The following SANBR variants were observed in gnomAD, a reference collection of about 807,000 sequenced individuals.
The protein encoded by SANBR is SANT and BTB domain regulator of CSR.
Under a neutral mutation model 101.8 loss-of-function variants are expected in SANBR, and 77 were observed. The ratio of observed to expected loss-of-function variants is 0.76; its 90% CI spans 0.63 to 0.91. The LOEUF is 0.91. SANBR is among the 40% of genes least tolerant of loss of function. SANBR has a pLI of 0.00. For missense variants in SANBR, 875 were observed against 853.0 expected (o/e 1.03, Z -0.32); for synonymous variants, 279 against 274.7 (o/e 1.02, Z -0.15).
intron 21 of SANBR, among the ~76,000 whole-genome samples, 152 bp from the exon 22 acceptor site, chr2:61,121,974 A>G (rs1418798505): frequency 1.3e-5 from 2 of 152,236 alleles, no homozygotes; most frequent in Non-Finnish European, 2.9e-5. Context: ...CCAAAAATAC[A>G]TCTCCTGTTA....
Position 61,097,833 on chromosome 2 carries a change from A to T in SANBR, c.1346A>T (p.Asp449Val). 6.2e-7 allele frequency: 1 copy of T among 1,612,726 alleles called. No individual in the cohort carries two copies. Among genetic ancestry groups the T allele is most frequent in the Non-Finnish European group, 8.5e-7 (1 of 1,179,252 alleles). The change falls in exon 12 of 22, where the codon GAT (aspartate) becomes GTT (valine). Residue 449 changes from aspartate to valine, a missense_variant. Physicochemically the swap from Asp to Val is radical, Grantham distance 152. Coordinates refer to ENST00000402291, the MANE Select transcript of SANBR (RefSeq NM_001129993.3). ...TGTAACCAAAAGGTTCTTCGGTTTG[A>T]TCCTACTCAGCTTACAAAGGTGAAT... ...PCCNQKVLRF[D>V]PTQLTKGCKV...
At chr2:61,104,797 A>T (rs531664589) in intron 13 of SANBR, among the ~76,000 whole-genome samples, 256 of 148,464 alleles carry the variant, frequency 1.7e-3, no homozygotes, top group Middle Eastern at 7.8e-3. Context: ...AGCCAGGCAC[A>T]GTGCCTCATG....
At chr2:61,082,773 C>G (rs374959109) in intron 7 of SANBR, among the ~76,000 whole-genome samples, 2 of 151,920 alleles carry the variant, frequency 1.3e-5, no homozygotes, top group African/African-American at 4.8e-5. Context: ...GAGCTGAGAT[C>G]GTGCCACAGC....
chr2:61,118,183 A>G (rs1317644820), intron 20 of SANBR, 67 bp downstream of exon 20: 3 of 1,026,124 alleles, frequency 2.9e-6, no homozygotes, highest in African/African-American at 3.3e-5. Context: ...TTTTCAGCTT[A>G]GGATTATAAA....
rs1684420943 is a variant in SANBR at position 61,123,637 on chromosome 2, A to C, written c.*1475A>C. On this transcript the variant is annotated 3_prime_UTR_variant, in exon 22 of 22. Coordinates refer to ENST00000402291, the MANE Select transcript of SANBR (RefSeq NM_001129993.3). ...CTGATTAAAGGATTTGGATTTGTAC[A>C]TGTAAACAGTGCTGTAATGGTCACG... 1.0e-6 allele frequency: 1 copy of C among 985,342 alleles called. No homozygotes were observed. Among genetic ancestry groups the C allele is most frequent in the Non-Finnish European group, 1.2e-6 (1 of 829,728 alleles). 61.0% of individuals were successfully genotyped at this position (985,342 alleles called of 1,614,324 possible). A position where few individuals can be genotyped will look rare whatever the true frequency, so the allele number is the denominator to read the frequency against.
intron 11 of SANBR, among the ~76,000 whole-genome samples, chr2:61,095,839 C>T (rs562149575): frequency 9.2e-5 from 14 of 152,250 alleles, no homozygotes; most frequent in African/African-American, 2.6e-4. Context: ...CAGCGATGTC[C>T]CCTCCATCCA....
Position 61,122,214 on chromosome 2 carries a change from A to T in SANBR, c.*52A>T. The T allele has an allele frequency of 1.3e-6, 2 of 1,514,190 alleles. No individual in the cohort carries two copies. Among genetic ancestry groups the T allele is most frequent in the East Asian group, 4.9e-5 (2 of 40,790 alleles). 93.8% of individuals were successfully genotyped at this position (1,514,190 alleles called of 1,614,324 possible). A position where few individuals can be genotyped will look rare whatever the true frequency, so the allele number is the denominator to read the frequency against. On this transcript the variant is annotated 3_prime_UTR_variant, in exon 22 of 22. Coordinates refer to ENST00000402291, the MANE Select transcript of SANBR (RefSeq NM_001129993.3). The stretch of plus-strand genomic sequence containing the variant: ...GAGAAGGCACTCTTCTGGACATCTG[A>T]AATTGCTCACTTCTTGAAGATCTTC...
chr2:61,071,531 C>CA, intron 3 of SANBR, 75 bp from the exon 4 acceptor site: 1 of 956,794 alleles, frequency 1.0e-6, no homozygotes, highest in Non-Finnish European at 1.5e-6. Context: ...GCCTGGGCGA[C>CA]AATGTGAGAC....
intron 20 of SANBR, among the ~76,000 whole-genome samples, chr2:61,133,833 T>C (rs1316763294): frequency 2.0e-5 from 3 of 152,146 alleles, no homozygotes; most frequent in African/African-American, 7.2e-5. Context: ...GAGTTTCTCT[T>C]TGAGGTGATG....
intron 13 of SANBR, among the ~76,000 whole-genome samples, chr2:61,105,255 A>T (rs931548449): frequency 2.0e-5 from 3 of 151,782 alleles, no homozygotes; most frequent in African/African-American, 4.8e-5. Context: ...AATCCTAGCT[A>T]TTTGAGAGGC....
chr2:61,134,503 A>G (rs1684787046), intron 21 of SANBR, among the ~76,000 whole-genome samples: 1 of 152,194 alleles, frequency 6.6e-6, no homozygotes, highest in Admixed American at 6.5e-5. Context: ...TATTGTGCTC[A>G]CAACATTGGC....
chr2:61,071,509 C>T (rs1681467409), intron 3 of SANBR, 97 bp from the exon 4 acceptor site: 1 of 680,470 alleles, frequency 1.5e-6, no homozygotes, highest in South Asian at 2.5e-5. Flanking sequence ...AAGATCACAC[C>T]ACTGCACTCC....
intron 21 of SANBR, among the ~76,000 whole-genome samples, chr2:61,134,695 A>G (rs1684792251): frequency 6.6e-6 from 1 of 152,142 alleles, no homozygotes; most frequent in Non-Finnish European, 1.5e-5. Flanking sequence ...GATTGAGACC[A>G]TCCTGGCCAA....
At chr2:61,104,593 A>G (rs914396122) in intron 13 of SANBR, among the ~76,000 whole-genome samples, 4 of 152,222 alleles carry the variant, frequency 2.6e-5, no homozygotes, top group Non-Finnish European at 5.9e-5. Context: ...CTCTCAACCA[A>G]TTGATCAACC....
In SANBR at chr2:61,114,798, G is replaced by C. The variant is rs1012523476; in HGVS notation, c.1745-1181G>C. Among the ~76,000 whole-genome samples, 7 of 152,268 alleles carry C rather than the reference G, an allele frequency of 4.6e-5. 1 individual carries two copies. The highest frequency in any genetic ancestry group is 3.4e-3 in the Middle Eastern group (1 of 294). ...AGCCTCCTGAGTAGCTGGGACCACA[G>C]GTGTGCACCACCATGCCCAGCTAAT... is the stretch of plus-strand genomic sequence containing the variant. On this transcript the variant is annotated intron_variant, in intron 16 of 21. Transcript: ENST00000402291.
intron 6 of SANBR, among the ~76,000 whole-genome samples, chr2:61,079,181 C>T (rs1266126235): frequency 6.6e-6 from 1 of 151,872 alleles, no homozygotes; most frequent in Non-Finnish European, 1.5e-5. Flanking sequence ...CAGATACAAC[C>T]CACATAAAGA....
At position 61,072,442 on chromosome 2, in the gene SANBR, T is replaced by C. The variant is rs142547918; in HGVS notation, c.337+650T>C. 2.4e-4 allele frequency among the ~76,000 whole-genome samples: 37 copies of C among 152,182 alleles called. No homozygotes were observed. The East Asian group carries it at 5.8e-3, about 24-fold the overall frequency. On this transcript the variant is annotated intron_variant, in intron 4 of 21. Coordinates refer to ENST00000402291, the MANE Select transcript of SANBR (RefSeq NM_001129993.3). ...AAAAAATAAAAATTAGCTTGGTGGA[T>C]GGTGCACACCTGTGATCCTAGCTAC...
At chr2:61,108,240 T>C in intron 14 of SANBR, 77 bp from the exon 15 acceptor site, 2 of 865,486 alleles carry the variant, frequency 2.3e-6, no homozygotes, top group Middle Eastern at 4.5e-4. Flanking sequence ...TCAACTCTTC[T>C]ACAGTATCTA....
intron 12 of SANBR, among the ~76,000 whole-genome samples, chr2:61,101,367 AGTTT>A (rs1239725829): frequency 8.5e-5 from 13 of 152,358 alleles, no homozygotes; most frequent in Non-Finnish European, 1.6e-4. Flanking sequence ...ATTTGTGGTT[AGTTT>A]GTTTCCATTT....
Sources: gnomAD v4.1 joint callset for allele counts (sites outside exome capture counted in the v4.1 genomes callset) on GRCh38, gnomAD v4.1.1 for gene constraint, MANE v1.5 for transcripts, NCBI Gene and HGNC (gene_info 2026-07-23, HGNC 2026-07-21) for gene names.